SYT7: variants seen among roughly 807,000 people sequenced by gnomAD.
SYT7 encodes the protein synaptotagmin-7.
SYT7 carries 29 observed loss-of-function variants against 75.1 expected under a neutral mutation model. The ratio of observed to expected loss-of-function variants is 0.39; its 90% CI spans 0.29 to 0.53. The LOEUF (loss-of-function observed/expected upper bound fraction) is 0.53. SYT7 is among the 20% of genes least tolerant of loss of function. The pLI, the probability that SYT7 is intolerant of heterozygous loss-of-function variation, is 0.77. For synonymous variants in SYT7, 376 were observed against 401.7 expected (o/e 0.94, Z 0.76); for missense variants, 693 against 953.2 (o/e 0.73, Z 3.59).
In SYT7 at chr11:61,533,500, C is replaced by A. The variant is rs923260066; in HGVS notation, c.1065-376G>T. 26 of 985,302 alleles carry A rather than the reference C, an allele frequency of 2.6e-5. 1 individual carries two copies. The highest frequency in any genetic ancestry group is 2.4e-6 in the Non-Finnish European group (2 of 829,942). The allele number at this position is 985,302 out of a possible 1,614,324, so 61.0% of individuals were successfully genotyped here. On this transcript the variant is annotated intron_variant, in intron 7 of 12. Coordinates refer to ENST00000539008, the MANE Select transcript of SYT7 (RefSeq NM_001365809.2). ...CTTGTTCTATCCCATCCGCCCCCAG[C>A]CTGGAAGGGGGAGGCTCCACCGTGG... is the stretch of plus-strand genomic sequence containing the variant.
intron 3 of SYT7, among the ~76,000 whole-genome samples, chr11:61,550,383 G>A (rs1194293202): frequency 2.6e-5 from 4 of 152,156 alleles, no homozygotes; most frequent in Admixed American, 6.5e-5. Flanking sequence ...GGAAGGGAAC[G>A]GAAGGGGAAA....
chr11:61,531,660 G>A (rs2062713047), intron 8 of SYT7, among the ~76,000 whole-genome samples: 2 of 152,008 alleles, frequency 1.3e-5, no homozygotes, highest in Non-Finnish European at 2.9e-5. Context: ...TTGGGAGGCC[G>A]AGGCAGGTGG....
chr11:61,538,353 GAGA>G lies in SYT7; in HGVS notation c.942-90_942-88del, dbSNP rs1565180339. 1,287 of 665,348 alleles carry G rather than the reference GAGA, an allele frequency of 1.9e-3. 2 individuals are homozygous for G. The highest frequency in any genetic ancestry group is 5.5e-3 in the East Asian group (179 of 32,348). The allele number at this position is 665,348 out of a possible 1,614,324, so 41.2% of individuals were successfully genotyped here. Reference sequence around the variant, plus strand: ...GGGGGGAAGGAGAGAGAGGGAGAGAGAGAGAGAGAGAGAGAGAGAGAGAGAGAG... The same window carrying G: ...GGGGGGAAGGAGAGAGAGGGAGAGAGGAGAGAGAGAGAGAGAGAGAGAGAG... On this transcript the variant is annotated intron_variant, in intron 6 of 12. Coordinates refer to ENST00000539008, the MANE Select transcript of SYT7 (RefSeq NM_001365809.2).
At chr11:61,558,943 C>T (rs985734567) in intron 1 of SYT7, among the ~76,000 whole-genome samples, 10 of 152,146 alleles carry the variant, frequency 6.6e-5, no homozygotes, top group Non-Finnish European at 4.4e-5. Flanking sequence ...GGGATTTTAC[C>T]ACATTGGCCA....
At chr11:61,585,323 G>A (rs183943211), upstream of SYT7, among the ~76,000 whole-genome samples, 3 of 152,162 alleles carry the variant, frequency 2.0e-5, no homozygotes, top group Admixed American at 6.5e-5. Flanking sequence ...TGCAGCTCAC[G>A]TGACAGAACA....
chr11:61,527,348 T>G (rs1248995604), intron 9 of SYT7, among the ~76,000 whole-genome samples: 1 of 152,198 alleles, frequency 6.6e-6, no homozygotes. Flanking sequence ...ATTATCTCTA[T>G]TTTGTAGATG....
In SYT7 at chr11:61,527,758, C is replaced by T. The variant is rs540432782; in HGVS notation, c.1471+157G>A. 7.2e-5 allele frequency among the ~76,000 whole-genome samples: 11 copies of T among 152,318 alleles called. No individual in the cohort carries two copies. In the South Asian group the frequency reaches 1.4e-3, roughly 20 times the overall value. Reference sequence around the variant, plus strand: ...GCCTGTGCACACATGCAGGTGTGCACATAAGTGTATCTGCTTGCATGTGTG... The same window carrying T: ...GCCTGTGCACACATGCAGGTGTGCATATAAGTGTATCTGCTTGCATGTGTG... On this transcript the variant is annotated intron_variant, in intron 9 of 12. Coordinates refer to ENST00000539008, the MANE Select transcript of SYT7 (RefSeq NM_001365809.2).
At chr11:61,571,037 A>C (rs1350093668) in intron 1 of SYT7, among the ~76,000 whole-genome samples, 2 of 152,172 alleles carry the variant, frequency 1.3e-5, no homozygotes, top group African/African-American at 4.8e-5. Flanking sequence ...GAAGCACTGA[A>C]AGGTTAAGTC....
chr11:61,551,562 C>T lies in SYT7; in HGVS notation c.136-99G>A, dbSNP rs2063351469. The T allele has an allele frequency of 4.0e-6, 5 of 1,253,226 alleles. No individual in the cohort carries two copies. Among genetic ancestry groups the T allele is most frequent in the East Asian group, 2.4e-5 (1 of 42,486 alleles). The allele number at this position is 1,253,226 out of a possible 1,614,324, so 77.6% of individuals were successfully genotyped here. A position where few individuals can be genotyped will look rare whatever the true frequency, so the allele number is the denominator to read the frequency against. ...GGAGGGGAAGGAGATAGACTGGAGT[C>T]GGGCCGTGGCAACAAGGCCAGGACC... On this transcript the variant is annotated intron_variant, in intron 2 of 12. Transcript: ENST00000539008. This position sits in a 1 kb window ranked among gnomAD's most constrained non-coding sequence, Gnocchi z 5.3.
intron 1 of SYT7, among the ~76,000 whole-genome samples, chr11:61,558,851 T>G (rs1033772176): frequency 2.0e-5 from 3 of 152,156 alleles, no homozygotes; most frequent in African/African-American, 7.2e-5. Flanking sequence ...CAAGCAATTC[T>G]CCTGCCTCAG....
chr11:61,575,575 C>A (rs2064049214), intron 1 of SYT7, among the ~76,000 whole-genome samples: 2 of 152,226 alleles, frequency 1.3e-5, no homozygotes, highest in African/African-American at 4.8e-5. Flanking sequence ...GCCACACAGC[C>A]AGGTAAGGCC....
chr11:61,563,012 G>A (rs2063679209), intron 1 of SYT7, among the ~76,000 whole-genome samples: 1 of 152,096 alleles, frequency 6.6e-6, no homozygotes, highest in Non-Finnish European at 1.5e-5. Context: ...GGAGCAGTGG[G>A]CACATGCACA....
chr11:61,533,582 GTC>G, intron 7 of SYT7: 1 of 985,400 alleles, frequency 1.0e-6, no homozygotes, highest in Non-Finnish European at 1.2e-6. Flanking sequence ...CGCCCAGAAT[GTC>G]TGTTTCCCAG....
Position 61,546,306 on chromosome 11 carries a change from TG to T in SYT7, c.348-52del. The stretch of plus-strand genomic sequence containing the variant: ...GCCAGAGGGGCACCGGGGGTGGCGG[TG>T]GGGGAGAGAGGGCAGGCCATACGTG... On this transcript the variant is annotated intron_variant, in intron 4 of 12. Coordinates refer to ENST00000539008, the MANE Select transcript of SYT7 (RefSeq NM_001365809.2). The surrounding 1 kb of genome is among the most constrained non-coding windows in gnomAD (Gnocchi z 7.6). 2.3e-6 allele frequency: 3 copies of T among 1,302,196 alleles called. No homozygotes were observed. Among genetic ancestry groups the T allele is most frequent in the East Asian group, 2.9e-5 (1 of 34,296 alleles). 80.7% of individuals were successfully genotyped at this position (1,302,196 alleles called of 1,614,324 possible). A position where few individuals can be genotyped will look rare whatever the true frequency, so the allele number is the denominator to read the frequency against.
Position 61,518,428 on chromosome 11 carries a change from C to A in SYT7, c.*199G>T. The A allele has an allele frequency of 2.4e-6, 1 of 415,156 alleles. No individual in the cohort carries two copies. Among genetic ancestry groups the A allele is most frequent in the Non-Finnish European group, 4.3e-6 (1 of 235,054 alleles). The allele number at this position is 415,156 out of a possible 1,614,324, so 25.7% of individuals were successfully genotyped here. A position where few individuals can be genotyped will look rare whatever the true frequency, so the allele number is the denominator to read the frequency against. On this transcript the variant is annotated 3_prime_UTR_variant, in exon 13 of 13. Transcript: ENST00000539008. The stretch of plus-strand genomic sequence containing the variant: ...GGAAAATGCCTCCCAGAGCCCCTTC[C>A]CCGGAGCTGGACTGTGGGGGATGGG...
rs960345758 is a variant in SYT7 at position 61,564,009 on chromosome 11, C to T, written c.32-7802G>A. 4.6e-5 allele frequency among the ~76,000 whole-genome samples: 7 copies of T among 152,240 alleles called. No individual in the cohort carries two copies. In the South Asian group the frequency reaches 1.5e-3, roughly 32 times the overall value. ...CCAAGAAGCCCTCCCCAATGACAGG[C>T]ACTCATAGCAGTCTCTTCCTTCTCC... On this transcript the variant is annotated intron_variant, in intron 1 of 12. Coordinates refer to ENST00000539008, the MANE Select transcript of SYT7 (RefSeq NM_001365809.2).
At chr11:61,583,948 T>C (rs2064333224), upstream of SYT7, among the ~76,000 whole-genome samples, 1 of 152,212 alleles carries the variant, frequency 6.6e-6, no homozygotes, top group Admixed American at 6.5e-5. Context: ...GAATACAGAT[T>C]TATGTGGCGC....
At chr11:61,554,279 T>G (rs2063430338) in intron 2 of SYT7, among the ~76,000 whole-genome samples, 1 of 151,572 alleles carries the variant, frequency 6.6e-6, no homozygotes, top group African/African-American at 2.4e-5. Context: ...CTGGAAGTCA[T>G]CTCTCACCAC....
At chr11:61,575,338 G>T (rs995066393) in intron 1 of SYT7, among the ~76,000 whole-genome samples, 5 of 152,150 alleles carry the variant, frequency 3.3e-5, no homozygotes, top group Non-Finnish European at 7.4e-5. Context: ...CACTATTAGG[G>T]TTTGTCACTA....
Sources: allele counts gnomAD v4.1 joint callset (sites outside exome capture counted in the v4.1 genomes callset), GRCh38; gene constraint gnomAD v4.1.1; non-coding constraint Gnocchi (gnomAD v3.1); transcripts MANE v1.5; gene names NCBI Gene and HGNC (gene_info 2026-07-23, HGNC 2026-07-21).